SLIT3: variants seen among roughly 807,000 people sequenced by gnomAD.
SLIT3 encodes slit guidance ligand 3.
SLIT3 carries 68 observed loss-of-function variants against 184.0 expected under a neutral mutation model. The observed-to-expected ratio is 0.37, with a 90% confidence interval of 0.30 to 0.45. The LOEUF is 0.45. Among genes scored for constraint, SLIT3 ranks in the 20% least tolerant of loss-of-function variants. SLIT3 has a pLI of 1.00. For synonymous variants in SLIT3, 831 were observed against 828.6 expected, an observed-to-expected ratio of 1.00 and a Z score of -0.05; for missense variants, 1,707 against 2,026.0, an observed-to-expected ratio of 0.84 and a Z score of 3.02.
intron 4 of SLIT3, among the ~76,000 whole-genome samples, chr5:169,183,349 G>C (rs1763231131): frequency 6.6e-6 from 1 of 152,190 alleles, no homozygotes; most frequent in Admixed American, 6.5e-5. Context: ...TATGTGCGAG[G>C]AGGTGAGCTT....
At chr5:169,094,815 TTTCCA>T (rs1249657352) in intron 4 of SLIT3, among the ~76,000 whole-genome samples, 9 of 152,216 alleles carry the variant, frequency 5.9e-5, no homozygotes, top group Non-Finnish European at 8.8e-5. Flanking sequence ...AACACAACCA[TTTCCA>T]TTCATTTATT....
At chr5:168,683,392 A>T (rs974808018) in intron 32 of SLIT3, among the ~76,000 whole-genome samples, 12 of 150,966 alleles carry the variant, frequency 7.9e-5, no homozygotes, top group Middle Eastern at 3.2e-3. Flanking sequence ...AAAAGAAAAG[A>T]AAGTGAGCAG....
intron 5 of SLIT3, among the ~76,000 whole-genome samples, chr5:168,873,615 G>A (rs1481301513): frequency 1.3e-5 from 2 of 152,106 alleles, no homozygotes; most frequent in African/African-American, 2.4e-5. Context: ...GGTTGACAGC[G>A]AGACTTACTT....
intron 4 of SLIT3, among the ~76,000 whole-genome samples, chr5:169,131,238 A>G (rs768919634): frequency 4.6e-5 from 7 of 152,216 alleles, no homozygotes; most frequent in Non-Finnish European, 8.8e-5. Context: ...CTGTTTGGGG[A>G]TTACTGATTG....
intron 4 of SLIT3, among the ~76,000 whole-genome samples, chr5:169,142,448 A>T (rs966671315): frequency 6.6e-6 from 1 of 152,182 alleles, no homozygotes; most frequent in African/African-American, 2.4e-5. Context: ...CAGGCCCACA[A>T]ATCACTCAGG....
chr5:169,071,417 T>C (rs1758540805), intron 4 of SLIT3, among the ~76,000 whole-genome samples: 1 of 152,170 alleles, frequency 6.6e-6, no homozygotes, highest in Admixed American at 6.5e-5. Context: ...AACTCTTATT[T>C]TGGGCAAAAT....
intron 1 of SLIT3, among the ~76,000 whole-genome samples, chr5:169,251,803 C>T (rs1765783216): frequency 6.6e-6 from 1 of 152,176 alleles, no homozygotes; most frequent in Non-Finnish European, 1.5e-5. Flanking sequence ...GGCATCTGAT[C>T]CAGGCCAGGC....
At chr5:169,020,510 C>A (rs767619205) in intron 4 of SLIT3, among the ~76,000 whole-genome samples, 10 of 152,118 alleles carry the variant, frequency 6.6e-5, no homozygotes, top group Middle Eastern at 3.2e-3. Context: ...TGGAAGGAAG[C>A]CACCTACTCA....
Position 169,181,386 on chromosome 5 carries a change from A to G in SLIT3, c.413+12093T>C, listed in dbSNP as rs572080296. Among the ~76,000 whole-genome samples the G allele has an allele frequency of 3.0e-3, 456 of 152,308 alleles. 2 individuals carry two copies. The highest frequency in any genetic ancestry group is 0.01 in the African/African-American group (430 of 41,566). The stretch of plus-strand genomic sequence containing the variant: ...GGAAGAAGACTATTAGAGCAATATC[A>G]GTAAAACTGATGATTTTTCATTTCT... On this transcript the variant is annotated intron_variant, in intron 4 of 35. Transcript: ENST00000519560.
intron 18 of SLIT3, 26 bp downstream of exon 18, chr5:168,752,929 T>C: frequency 6.2e-7 from 1 of 1,611,740 alleles, no homozygotes; most frequent in Non-Finnish European, 8.5e-7. Flanking sequence ...CCAGAGTCCG[T>C]GGGCAGTGGA....
chr5:169,152,680 G>T (rs141545948), intron 4 of SLIT3, among the ~76,000 whole-genome samples: 1 of 152,308 alleles, frequency 6.6e-6, no homozygotes, highest in East Asian at 1.9e-4. Context: ...AAGACAGCAG[G>T]CCTGCCCAGT....
intron 4 of SLIT3, among the ~76,000 whole-genome samples, chr5:169,032,922 A>ATTTTTTTTT (rs199911562): frequency 2.3e-5 from 2 of 88,130 alleles, no homozygotes; most frequent in Non-Finnish European, 4.7e-5. Flanking sequence ...TTTTTCCTTG[A>ATTTTTTTTT]TTTTTTTTTT....
At chr5:168,711,395 G>GT (rs1438102365) in intron 24 of SLIT3, among the ~76,000 whole-genome samples, 1 of 152,072 alleles carries the variant, frequency 6.6e-6, no homozygotes. Flanking sequence ...CCCTTGCCCT[G>GT]TTGAAGGGTC....
intron 4 of SLIT3, among the ~76,000 whole-genome samples, chr5:169,032,599 G>GTT (rs5873142): frequency 2.2e-4 from 24 of 110,442 alleles, no homozygotes; most frequent in African/African-American, 7.8e-4. Flanking sequence ...TTTTAGTTTC[G>GTT]TTTTTTTTTT....
chr5:169,059,602 C>G (rs1758114324), intron 4 of SLIT3, among the ~76,000 whole-genome samples: 1 of 152,198 alleles, frequency 6.6e-6, no homozygotes, highest in Admixed American at 6.5e-5. Context: ...AATTAGCATG[C>G]CCAGCACAAC....
chr5:168,897,347 C>G (rs1760701715), intron 4 of SLIT3, among the ~76,000 whole-genome samples: 1 of 152,068 alleles, frequency 6.6e-6, no homozygotes, highest in Non-Finnish European at 1.5e-5. Context: ...ACCAGAAAGT[C>G]AGCCTCTGAG....
intron 4 of SLIT3, among the ~76,000 whole-genome samples, chr5:169,057,540 T>C (rs889423100): frequency 1.3e-5 from 2 of 151,916 alleles, no homozygotes; most frequent in African/African-American, 4.8e-5. Flanking sequence ...ATGTAGAGGG[T>C]GGCTAAGAAT....
At chr5:169,076,427 C>T (rs1758744102) in intron 4 of SLIT3, among the ~76,000 whole-genome samples, 1 of 152,162 alleles carries the variant, frequency 6.6e-6, no homozygotes, top group African/African-American at 2.4e-5. Flanking sequence ...ACTAGAGCTT[C>T]CCTCTCCATC....
chr5:169,020,513 C>T (rs1389473962), intron 4 of SLIT3, among the ~76,000 whole-genome samples: 1 of 152,180 alleles, frequency 6.6e-6, no homozygotes, highest in African/African-American at 2.4e-5. Flanking sequence ...AAGGAAGCCA[C>T]CTACTCATTA....
Sources: allele counts gnomAD v4.1 joint callset (sites outside exome capture counted in the v4.1 genomes callset), GRCh38; gene constraint gnomAD v4.1.1; transcripts MANE v1.5; gene names NCBI Gene and HGNC (gene_info 2026-07-23, HGNC 2026-07-21).